Variants in PCAT7 observed in about 807,000 individuals in gnomAD.
PCAT7 encodes the protein prostate cancer associated transcript 7.
rs755644556 is a variant in PCAT7 at position 94,571,515 on chromosome 9, T to C, written n.442-1464T>C. 2.0e-5 allele frequency: 32 copies of C among 1,613,818 alleles called. No homozygotes were observed. The Middle Eastern group carries it at 5.0e-4, about 25-fold the overall frequency. On this transcript the variant is annotated intron_variant and non_coding_transcript_variant, in intron 2 of 8. Coordinates refer to ENST00000647389, the Ensembl canonical transcript of PCAT7. ...TGCCCTGTGGAGAGAGCCACCAGGG[T>C]TGCACTACCGTACAGCGCATAACCT...
chr9:94,572,313 G>A lies in PCAT7; in HGVS notation n.442-666G>A, dbSNP rs7865241. 7.9e-3 allele frequency among the ~76,000 whole-genome samples: 1,200 copies of A among 152,068 alleles called. 19 individuals are homozygous for A. The highest frequency in any genetic ancestry group is 0.027 in the African/African-American group (1,119 of 41,486). On this transcript the variant is annotated intron_variant and non_coding_transcript_variant, in intron 2 of 8. Transcript: ENST00000647389. ...TGCTACATTTGTATTGAGTTACCCCGTCTCCCACGACACACACACACGCAC... is the reference window on the plus strand; with the variant it reads ...TGCTACATTTGTATTGAGTTACCCCATCTCCCACGACACACACACACGCAC...
intron 2 of PCAT7, chr9:94,571,485 C>G (rs775781859): frequency 1.5e-5 from 25 of 1,613,102 alleles, no homozygotes; most frequent in Non-Finnish European, 2.1e-5. Context: ...AAGAGGTCCA[C>G]GCCTTGCCCT....
At chr9:94,557,431 A>T (rs1444228547) in intron 1 of PCAT7, among the ~76,000 whole-genome samples, 1 of 152,238 alleles carries the variant, frequency 6.6e-6, no homozygotes, top group Non-Finnish European at 1.5e-5. Flanking sequence ...TGGGAAAAGA[A>T]GAAAATCTTT....
intron 2 of PCAT7, chr9:94,567,123 G>T: frequency 1.4e-6 from 1 of 704,740 alleles, no homozygotes; most frequent in Non-Finnish European, 2.3e-6. Context: ...TGCTTATGAA[G>T]AAAGGCAGAG....
At chr9:94,565,774 A>T (rs1587838069) in intron 2 of PCAT7, among the ~76,000 whole-genome samples, 2 of 7,364 alleles carry the variant, frequency 2.7e-4, no homozygotes, top group Non-Finnish European at 1.6e-3. Flanking sequence ...CATAGATGAT[A>T]GATAGATAGA....
At chr9:94,556,655 A>G (rs1166648117) in intron 1 of PCAT7, among the ~76,000 whole-genome samples, 3 of 152,230 alleles carry the variant, frequency 2.0e-5, no homozygotes, top group Non-Finnish European at 4.4e-5. Context: ...TGTCTTCATT[A>G]TACTGATTGC....
chr9:94,557,230 TAA>T (rs1412966139), intron 1 of PCAT7, among the ~76,000 whole-genome samples: 1 of 152,244 alleles, frequency 6.6e-6, no homozygotes, highest in African/African-American at 2.4e-5. Context: ...ACTTCCATGT[TAA>T]TTTTAAGATT....
chr9:94,565,852 G>A (rs185846569), intron 2 of PCAT7, among the ~76,000 whole-genome samples: 23 of 152,296 alleles, frequency 1.5e-4, no homozygotes, highest in South Asian at 4.2e-4. Flanking sequence ...ATAGATGCTC[G>A]TAACTTGGGG....
intron 3 of PCAT7, among the ~76,000 whole-genome samples, chr9:94,574,393 ACTT>A: frequency 6.6e-6 from 1 of 152,122 alleles, no homozygotes; most frequent in Non-Finnish European, 1.5e-5. Flanking sequence ...TTTTGTTTTA[ACTT>A]CTATTTTTTA....
At chr9:94,563,410 C>G (rs1052625416) in intron 2 of PCAT7, 1 of 1,613,950 alleles carries the variant, frequency 6.2e-7, no homozygotes, top group Admixed American at 1.7e-5. Context: ...GTGCGGTGCA[C>G]GTCAGCCACC....
intron 2 of PCAT7, chr9:94,571,532 G>A (rs199525966): frequency 1.3e-4 from 212 of 1,613,866 alleles, no homozygotes; most frequent in Non-Finnish European, 2.6e-5. Context: ...ACCGTACAGC[G>A]CATAACCTGC....
chr9:94,561,342 T>C (rs1329620308), intron 2 of PCAT7, among the ~76,000 whole-genome samples: 1 of 144,858 alleles, frequency 6.9e-6, no homozygotes, highest in African/African-American at 2.5e-5. Context: ...CCATGTGACA[T>C]GTGACCTGTA....
At chr9:94,564,698 A>G (rs573773820) in intron 2 of PCAT7, among the ~76,000 whole-genome samples, 11 of 152,098 alleles carry the variant, frequency 7.2e-5, no homozygotes, top group Non-Finnish European at 1.2e-4. Context: ...AGCAGAAAAG[A>G]TAAGTATTGG....
At chr9:94,561,033 G>T (rs1470657267) in intron 2 of PCAT7, among the ~76,000 whole-genome samples, 1 of 152,082 alleles carries the variant, frequency 6.6e-6, no homozygotes, top group Non-Finnish European at 1.5e-5. Flanking sequence ...CCACAGGAGG[G>T]ACACTGGAGG....
At chr9:94,571,612 A>G in intron 2 of PCAT7, 1 of 1,608,380 alleles carries the variant, frequency 6.2e-7, no homozygotes, top group Non-Finnish European at 8.5e-7. Context: ...TCTGTGGAAG[A>G]GAGGGATAAA....
At chr9:94,573,244 A>G (rs1432231974) in intron 3 of PCAT7, among the ~76,000 whole-genome samples, 1 of 152,102 alleles carries the variant, frequency 6.6e-6, no homozygotes, top group Non-Finnish European at 1.5e-5. Flanking sequence ...CTCCTCCTCT[A>G]TTTCTTGTTT....
rs757326508 is a variant in PCAT7 at position 94,567,453 on chromosome 9, A to G, written n.442-5526A>G. ...GCCAGGAAGAAGAGAGAAGCCAGGA[A>G]ACAAGCCAACCGCACAATCCCCACA... is the stretch of plus-strand genomic sequence containing the variant. On this transcript the variant is annotated intron_variant and non_coding_transcript_variant, in intron 2 of 8. Coordinates refer to ENST00000647389, the Ensembl canonical transcript of PCAT7. The G allele has an allele frequency of 7.1e-6, 11 of 1,557,572 alleles. No individual in the cohort carries two copies. In the Admixed American group the frequency reaches 1.9e-4, roughly 27 times the overall value.
chr9:94,556,119 A>C (rs1827008304), intron 1 of PCAT7, among the ~76,000 whole-genome samples: 2 of 150,798 alleles, frequency 1.3e-5, no homozygotes, highest in African/African-American at 2.4e-5. Flanking sequence ...GCCGGGGGAA[A>C]GACGATGAGG....
intron 2 of PCAT7, among the ~76,000 whole-genome samples, chr9:94,563,817 C>T: frequency 6.6e-6 from 1 of 152,020 alleles, no homozygotes; most frequent in East Asian, 1.9e-4. Context: ...ATATAGAAAG[C>T]AGAAAAAAGC....
Sources: allele counts gnomAD v4.1 joint callset (sites outside exome capture counted in the v4.1 genomes callset), GRCh38; gene constraint gnomAD v4.1.1; transcripts MANE v1.5; gene names NCBI Gene and HGNC (gene_info 2026-07-23, HGNC 2026-07-21).